The following FIRRM variants were observed in gnomAD, a reference collection of about 807,000 sequenced individuals.
FIRRM encodes FIGNL1-interacting regulator of recombination and mitosis.
At chr1:169,786,847 C>T in the FIRRM span, among the ~76,000 whole-genome samples, 77,064 of 151,980 alleles carry the variant, frequency 0.51, 20,039 homozygotes, top group Middle Eastern at 0.64. Context: ...TTGTGAAGCA[C>T]ATTGATTTCT....
At chr1:169,810,042 A>G in the FIRRM span, among the ~76,000 whole-genome samples, 1 of 152,280 alleles carries the variant, frequency 6.6e-6, no homozygotes, top group South Asian at 2.1e-4. Context: ...GTCTGCTTCA[A>G]AAATGGCCCC....
chr1:169,793,592 A>T, the FIRRM span: 1 of 1,614,196 alleles, frequency 6.2e-7, no homozygotes, highest in South Asian at 1.1e-5. Context: ...ACTTTCTGAG[A>T]CTGACAGCTC....
At chr1:169,815,867 T>C in the FIRRM span, among the ~76,000 whole-genome samples, 1 of 152,176 alleles carries the variant, frequency 6.6e-6, no homozygotes, top group Non-Finnish European at 1.5e-5. Flanking sequence ...CTAAGGGTTG[T>C]AGAGGGACAA....
the FIRRM span, chr1:169,793,462 T>C: frequency 1.2e-6 from 2 of 1,614,202 alleles, no homozygotes; most frequent in African/African-American, 2.7e-5. Context: ...CTGCACTGAG[T>C]GGACTGTCTG....
chr1:169,840,541 C>T, the FIRRM span, among the ~76,000 whole-genome samples: 3 of 149,060 alleles, frequency 2.0e-5, no homozygotes, highest in South Asian at 4.2e-4. Context: ...GACGGAGTCT[C>T]GCACTGTCGC....
At chr1:169,816,208 G>T in the FIRRM span, among the ~76,000 whole-genome samples, 7 of 151,916 alleles carry the variant, frequency 4.6e-5, no homozygotes, top group Admixed American at 2.6e-4. Flanking sequence ...CATGAACTGG[G>T]CAACTGTTGG....
chr1:169,821,755 C>T, the FIRRM span: 24 of 1,596,126 alleles, frequency 1.5e-5, no homozygotes, highest in Non-Finnish European at 2.1e-5. Context: ...TTGCACTACG[C>T]TAAGGTAAGG....
At chr1:169,849,599 G>A in the FIRRM span, 6 of 1,609,244 alleles carry the variant, frequency 3.7e-6, no homozygotes, top group South Asian at 2.2e-5. Context: ...TACTCAGTTC[G>A]CTGAGGTAAT....
chr1:169,844,332 T>C, the FIRRM span, among the ~76,000 whole-genome samples: 2 of 152,154 alleles, frequency 1.3e-5, no homozygotes, highest in Non-Finnish European at 1.5e-5. Flanking sequence ...ACAGAGAAAG[T>C]GGAAAAGCCC....
the FIRRM span, among the ~76,000 whole-genome samples, chr1:169,837,299 A>G: frequency 2.0e-5 from 3 of 152,180 alleles, no homozygotes; most frequent in Admixed American, 1.3e-4. Flanking sequence ...TGTTATTTTA[A>G]TTGATGTATT....
the FIRRM span, among the ~76,000 whole-genome samples, chr1:169,826,479 C>T: frequency 1.3e-5 from 2 of 151,724 alleles, no homozygotes; most frequent in Non-Finnish European, 2.9e-5. Flanking sequence ...TCTCCTGCCT[C>T]AGCCTCCCGA....
the FIRRM span, chr1:169,803,392 T>G: frequency 7.7e-7 from 1 of 1,305,888 alleles, no homozygotes; most frequent in Non-Finnish European, 1.0e-6. Flanking sequence ...GTATAAGATT[T>G]TACATTTTAG....
chr1:169,813,313 C>T, the FIRRM span, among the ~76,000 whole-genome samples: 1 of 152,200 alleles, frequency 6.6e-6, no homozygotes, highest in Non-Finnish European at 1.5e-5. Flanking sequence ...TTCCCCAGAT[C>T]ATATAGTAGT....
chr1:169,842,325 A>C, the FIRRM span: 1 of 1,328,560 alleles, frequency 7.5e-7, no homozygotes, highest in Non-Finnish European at 1.0e-6. Context: ...GAAGAGTTAA[A>C]AGTAACTTTT....
At chr1:169,812,412 C>T in the FIRRM span, among the ~76,000 whole-genome samples, 1 of 152,132 alleles carries the variant, frequency 6.6e-6, no homozygotes, top group Non-Finnish European at 1.5e-5. Flanking sequence ...TATTGGCTGG[C>T]TCATGGGAGT....
chr1:169,823,783 T>A, the FIRRM span, among the ~76,000 whole-genome samples: 11 of 152,186 alleles, frequency 7.2e-5, no homozygotes, highest in African/African-American at 2.7e-4. Context: ...TGGCATTTTT[T>A]AATCTTTATT....
At chr1:169,822,837 G>T in the FIRRM span, among the ~76,000 whole-genome samples, 4 of 152,156 alleles carry the variant, frequency 2.6e-5, no homozygotes, top group Non-Finnish European at 5.9e-5. Context: ...CTACTGTTCT[G>T]ATGACTCTCA....
chr1:169,842,460 G>C, the FIRRM span: 7 of 1,613,876 alleles, frequency 4.3e-6, no homozygotes, highest in South Asian at 1.1e-5. Context: ...AATTCTGCTG[G>C]TGAAGCTTTG....
At chr1:169,822,378 A>C in the FIRRM span, among the ~76,000 whole-genome samples, 1 of 152,242 alleles carries the variant, frequency 6.6e-6, no homozygotes, top group South Asian at 2.1e-4. Flanking sequence ...TCAAAAACAA[A>C]TTGAACATGG....
Sources: allele counts gnomAD v4.1 joint callset (sites outside exome capture counted in the v4.1 genomes callset), GRCh38; gene constraint gnomAD v4.1.1; transcripts MANE v1.5; gene names NCBI Gene and HGNC (gene_info 2026-07-23, HGNC 2026-07-21).